TCF4: variants seen among roughly 807,000 people sequenced by gnomAD.
TCF4 encodes the protein transcription factor 4.
In TCF4, 3 loss-of-function variants were observed where a neutral mutation model predicts 82.1. That is an observed-to-expected ratio of 0.04 (90% confidence interval 0.02 to 0.09). The LOEUF is 0.09. Among genes scored for constraint, TCF4 ranks in the 10% least tolerant of loss-of-function variants. The pLI is 1.00. For missense variants in TCF4, 518 were observed against 852.7 expected, an observed-to-expected ratio of 0.61 and a Z score of 4.89; for synonymous variants, 276 against 309.6, an observed-to-expected ratio of 0.89 and a Z score of 1.14.
At chr18:55,532,235 T>C (rs761875204) in intron 3 of TCF4, among the ~76,000 whole-genome samples, 15 of 152,346 alleles carry the variant, frequency 9.8e-5, no homozygotes, top group Non-Finnish European at 1.8e-4. Context: ...CCATCAGTTC[T>C]GGTGATATGA....
chr18:55,589,424 G>C (rs1414755814), upstream of TCF4: 1 of 1,056,256 alleles, frequency 9.5e-7, no homozygotes. Flanking sequence ...CTGGTACTCA[G>C]TCCTGCTCCA....
intron 8 of TCF4, among the ~76,000 whole-genome samples, chr18:55,305,476 TC>T (rs2069965166): frequency 6.6e-6 from 1 of 152,142 alleles, no homozygotes; most frequent in African/African-American, 2.4e-5. Context: ...TTAAACCTAA[TC>T]TATTACTTTT....
intron 8 of TCF4, among the ~76,000 whole-genome samples, chr18:55,309,488 G>A (rs145070027): frequency 3.3e-5 from 5 of 152,302 alleles, no homozygotes; most frequent in African/African-American, 9.6e-5. Context: ...GGCTTTGCCT[G>A]TGAAATGGGA....
intron 6 of TCF4, among the ~76,000 whole-genome samples, chr18:55,360,656 C>T (rs1481364522): frequency 6.6e-6 from 1 of 151,614 alleles, no homozygotes; most frequent in Non-Finnish European, 1.5e-5. Flanking sequence ...AGACAGTGTT[C>T]CAGTAAAATT....
chr18:55,537,323 G>A (rs549990386), intron 3 of TCF4, among the ~76,000 whole-genome samples: 8 of 151,988 alleles, frequency 5.3e-5, no homozygotes, highest in African/African-American at 9.7e-5. Flanking sequence ...AATGTTGGCC[G>A]GGCACAGTGG....
At chr18:55,487,454 A>G (rs192569322) in intron 3 of TCF4, among the ~76,000 whole-genome samples, 1 of 152,362 alleles carries the variant, frequency 6.6e-6, no homozygotes, top group African/African-American at 2.4e-5. Context: ...TAAGGGCTCA[A>G]TGAACATTTG....
At chr18:55,499,959 G>A (rs2145999031) in intron 3 of TCF4, among the ~76,000 whole-genome samples, 1 of 152,118 alleles carries the variant, frequency 6.6e-6, no homozygotes, top group East Asian at 1.9e-4. Flanking sequence ...GAGGCAGGCG[G>A]ATCACACAAG....
chr18:55,398,256 C>T (rs1034972565), intron 6 of TCF4, among the ~76,000 whole-genome samples: 4 of 152,116 alleles, frequency 2.6e-5, no homozygotes, highest in African/African-American at 9.7e-5. Context: ...AGCCGCTGCC[C>T]GAAAAATACC....
chr18:55,617,659 G>A (rs1196664814), intron 2 of TCF4, among the ~76,000 whole-genome samples: 1 of 151,874 alleles, frequency 6.6e-6, no homozygotes, highest in Non-Finnish European at 1.5e-5. Flanking sequence ...CCTTGGTTAT[G>A]TTTATTTCTA....
At chr18:55,235,672 G>GT (rs1164381326) in intron 15 of TCF4, among the ~76,000 whole-genome samples, 9 of 152,206 alleles carry the variant, frequency 5.9e-5, no homozygotes, top group Non-Finnish European at 1.3e-4. Context: ...TGTCAACTAA[G>GT]AGGACAATCA....
intron 3 of TCF4, among the ~76,000 whole-genome samples, chr18:55,560,117 A>G (rs1348779020): frequency 6.6e-6 from 1 of 152,232 alleles, no homozygotes; most frequent in Non-Finnish European, 1.5e-5. Context: ...TATAGAAAAT[A>G]TGTAATGCAA....
chr18:55,547,766 G>T (rs534273492), intron 3 of TCF4, among the ~76,000 whole-genome samples: 189 of 152,260 alleles, frequency 1.2e-3, no homozygotes, highest in African/African-American at 4.4e-3. Context: ...TAAAATGCTC[G>T]CTTTGTGACC....
At chr18:55,629,813 A>G (rs993551391) in intron 2 of TCF4, among the ~76,000 whole-genome samples, 1 of 152,256 alleles carries the variant, frequency 6.6e-6, no homozygotes, top group African/African-American at 2.4e-5. Flanking sequence ...CACAATTGAA[A>G]TGTAAGACAG....
At chr18:55,534,480 C>T (rs372806216) in intron 3 of TCF4, among the ~76,000 whole-genome samples, 21 of 152,340 alleles carry the variant, frequency 1.4e-4, no homozygotes, top group South Asian at 6.2e-4. Flanking sequence ...TCTACTCCCT[C>T]GTCAGTTGCT....
chr18:55,631,505 T>TA, intron 1 of TCF4: 1 of 1,032,540 alleles, frequency 9.7e-7, no homozygotes, highest in Non-Finnish European at 1.4e-6. Context: ...GGTAATGCCC[T>TA]ACAGGGATGA....
rs140471260 is a variant in TCF4, at chr18:55,450,630, G to A, written c.304+10389C>T. On this transcript the variant is annotated intron_variant, in intron 5 of 19. Transcript: ENST00000354452. ...ACAGAGGCAACATTCTATACCAAGC[G>A]TCTGTGGAGTAAAGGGAATGAGAGA... 1.2e-3 allele frequency among the ~76,000 whole-genome samples: 181 copies of A among 152,200 alleles called. 3 individuals carry two copies. In the East Asian group the frequency reaches 0.03, roughly 25 times the overall value.
chr18:55,481,498 T>C (rs900186162), intron 3 of TCF4, among the ~76,000 whole-genome samples: 1 of 152,180 alleles, frequency 6.6e-6, no homozygotes, highest in Non-Finnish European at 1.5e-5. Flanking sequence ...TGGCAAGAAA[T>C]CCTGTTGTCT....
upstream of TCF4, among the ~76,000 whole-genome samples, chr18:55,591,516 G>GTTTGT (rs891795932): frequency 2.0e-5 from 3 of 152,014 alleles, no homozygotes; most frequent in Admixed American, 6.6e-5. Context: ...TTTTTTGTTT[G>GTTTGT]TTTGTTTTGT....
chr18:55,303,179 A>G (rs758165158), intron 8 of TCF4, among the ~76,000 whole-genome samples: 4 of 151,096 alleles, frequency 2.6e-5, no homozygotes, highest in Non-Finnish European at 4.4e-5. Flanking sequence ...TGGGAGAGGA[A>G]AGAAGAACCT....
Sources: gnomAD v4.1 joint callset for allele counts (sites outside exome capture counted in the v4.1 genomes callset) on GRCh38, gnomAD v4.1.1 for gene constraint, MANE v1.5 for transcripts, NCBI Gene and HGNC (gene_info 2026-07-23, HGNC 2026-07-21) for gene names.